LRRC4C: variants seen among roughly 807,000 people sequenced by gnomAD.
LRRC4C encodes leucine rich repeat containing 4C.
A neutral mutation model predicts 33.6 loss-of-function variants in LRRC4C; 5 were observed. The ratio of observed to expected loss-of-function variants is 0.15; its 90% CI spans 0.08 to 0.31. LRRC4C has a LOEUF of 0.31. Ranked by LOEUF, LRRC4C falls within the 10% of genes least tolerant of loss-of-function variation. The probability of loss-of-function intolerance (pLI) is 1.00; values close to 1 mark genes in which losing one functional copy is unlikely to be tolerated. For missense variants in LRRC4C, 560 were observed against 796.7 expected (o/e 0.70, Z 3.58); for synonymous variants, 329 against 302.0 (o/e 1.09, Z -0.93).
At chr11:40,361,796 A>G (rs1947964644) in intron 3 of LRRC4C, among the ~76,000 whole-genome samples, 1 of 152,180 alleles carries the variant, frequency 6.6e-6, no homozygotes. Flanking sequence ...AAAGTGCCCA[A>G]ATAGTCAAGA....
chr11:40,263,130 C>A (rs1941988970), intron 4 of LRRC4C, among the ~76,000 whole-genome samples: 1 of 152,010 alleles, frequency 6.6e-6, no homozygotes, highest in Non-Finnish European at 1.5e-5. Context: ...AAATATTAAT[C>A]TATTGGCTGG....
At chr11:40,536,870 C>G (rs1293045690) in intron 3 of LRRC4C, among the ~76,000 whole-genome samples, 3 of 152,132 alleles carry the variant, frequency 2.0e-5, no homozygotes, top group African/African-American at 7.2e-5. Flanking sequence ...CAGCCATTGT[C>G]ATCATCATCC....
At position 41,002,377 on chromosome 11, in the gene LRRC4C, A is replaced by G. The variant is rs1260330588; in HGVS notation, c.-495-68654T>C. ...GTTGTTCTCAAATTACCCATCATCCATCTTGCCATTGGATCCACATCCTTC... is the reference window on the plus strand; with the variant it reads ...GTTGTTCTCAAATTACCCATCATCCGTCTTGCCATTGGATCCACATCCTTC... On this transcript the variant is annotated intron_variant, in intron 1 of 6. Coordinates refer to ENST00000528697, the MANE Select transcript of LRRC4C (RefSeq NM_001258419.2). Among the ~76,000 whole-genome samples, 6 of 152,144 alleles carry G rather than the reference A, an allele frequency of 3.9e-5. No homozygotes were observed. The East Asian group carries it at 1.2e-3, about 29-fold the overall frequency.
intron 2 of LRRC4C, among the ~76,000 whole-genome samples, chr11:40,708,929 C>T (rs1946319515): frequency 6.6e-6 from 1 of 152,136 alleles, no homozygotes; most frequent in African/African-American, 2.4e-5. Flanking sequence ...GGATAGTTAG[C>T]TCTTCTTGTT....
At chr11:40,944,958 T>G (rs1958323682) in intron 1 of LRRC4C, among the ~76,000 whole-genome samples, 1 of 152,080 alleles carries the variant, frequency 6.6e-6, no homozygotes, top group African/African-American at 2.4e-5. Context: ...AGTCCTGCGT[T>G]TCTCCTCATT....
intron 3 of LRRC4C, among the ~76,000 whole-genome samples, chr11:40,470,356 T>C (rs981722380): frequency 6.6e-6 from 1 of 151,798 alleles, no homozygotes. Context: ...AAAAAGGACA[T>C]CCACACAAAA....
At chr11:40,408,093 T>C (rs1782520635) in intron 3 of LRRC4C, among the ~76,000 whole-genome samples, 1 of 151,982 alleles carries the variant, frequency 6.6e-6, no homozygotes, top group African/African-American at 2.4e-5. Flanking sequence ...ACCACCAACA[T>C]AGAAAGAAAT....
intron 2 of LRRC4C, among the ~76,000 whole-genome samples, chr11:40,716,172 TAA>T (rs1169619634): frequency 6.6e-6 from 1 of 152,112 alleles, no homozygotes; most frequent in Middle Eastern, 3.2e-3. Flanking sequence ...CCTTAAAAAG[TAA>T]ATGATTAACA....
intron 1 of LRRC4C, among the ~76,000 whole-genome samples, chr11:41,251,943 T>C (rs1243544979): frequency 6.6e-6 from 1 of 152,078 alleles, no homozygotes; most frequent in East Asian, 1.9e-4. Flanking sequence ...AATGGAAAAA[T>C]GTTTAGGACA....
At chr11:41,228,260 A>G (rs1442011379) in intron 1 of LRRC4C, among the ~76,000 whole-genome samples, 1 of 152,106 alleles carries the variant, frequency 6.6e-6, no homozygotes, top group Non-Finnish European at 1.5e-5. Context: ...ATATAGATAG[A>G]TCAATAGATC....
chr11:40,333,297 A>G (rs1946442765), intron 3 of LRRC4C, among the ~76,000 whole-genome samples: 1 of 152,216 alleles, frequency 6.6e-6, no homozygotes. Context: ...ACATACACAT[A>G]TTTGTGAGAT....
At chr11:41,446,716 C>T (rs1035085170) in intron 1 of LRRC4C, among the ~76,000 whole-genome samples, 3 of 152,032 alleles carry the variant, frequency 2.0e-5, no homozygotes, top group African/African-American at 7.2e-5. Flanking sequence ...GAACAGAATC[C>T]ACACTTTCAT....
chr11:40,810,698 G>A (rs376927033), intron 2 of LRRC4C, among the ~76,000 whole-genome samples: 1 of 151,914 alleles, frequency 6.6e-6, no homozygotes, highest in Non-Finnish European at 1.5e-5. Context: ...AATACTTAAC[G>A]GTTAAATCTT....
At chr11:40,280,915 C>T (rs910623664) in intron 4 of LRRC4C, among the ~76,000 whole-genome samples, 1 of 152,012 alleles carries the variant, frequency 6.6e-6, no homozygotes, top group East Asian at 1.9e-4. Context: ...ATGTCTGACT[C>T]GCATTCTGTC....
chr11:40,656,239 A>C (rs779892062), intron 2 of LRRC4C, among the ~76,000 whole-genome samples: 8 of 150,698 alleles, frequency 5.3e-5, no homozygotes, highest in Non-Finnish European at 1.0e-4. Context: ...TTGTCCACTC[A>C]TCTCTAATCC....
rs139269043 is a variant in LRRC4C, at chr11:41,147,967, C to T, written c.-495-214244G>A. Among the ~76,000 whole-genome samples the T allele has an allele frequency of 6.1e-3, 933 of 152,256 alleles. 15 individuals are homozygous for T. The highest frequency in any genetic ancestry group is 0.021 in the African/African-American group (885 of 41,544). On this transcript the variant is annotated intron_variant, in intron 1 of 6. Coordinates refer to ENST00000528697, the MANE Select transcript of LRRC4C (RefSeq NM_001258419.2). The stretch of plus-strand genomic sequence containing the variant: ...ATTAGCTGGGCGTGGTGGCACATGC[C>T]TGTATTCTCAGGTACTTGGGAGGCT...
intron 2 of LRRC4C, among the ~76,000 whole-genome samples, chr11:40,807,946 G>GA (rs1490796444): frequency 6.6e-6 from 1 of 151,986 alleles, no homozygotes; most frequent in African/African-American, 2.4e-5. Flanking sequence ...GATTATTTTG[G>GA]AAAAAAATTA....
At chr11:41,346,512 T>C (rs1951809020) in intron 1 of LRRC4C, among the ~76,000 whole-genome samples, 1 of 152,178 alleles carries the variant, frequency 6.6e-6, no homozygotes, top group Non-Finnish European at 1.5e-5. Flanking sequence ...TGGGATACAT[T>C]TAAAAAATGA....
At chr11:41,058,514 C>G (rs1446808958) in intron 1 of LRRC4C, among the ~76,000 whole-genome samples, 1 of 152,236 alleles carries the variant, frequency 6.6e-6, no homozygotes. Flanking sequence ...CGAAAGGAGC[C>G]CAGTGGGCCT....
Sources: allele counts gnomAD v4.1 joint callset (sites outside exome capture counted in the v4.1 genomes callset), GRCh38; gene constraint gnomAD v4.1.1; transcripts MANE v1.5; gene names NCBI Gene and HGNC (gene_info 2026-07-23, HGNC 2026-07-21).